Variants in VPS35 observed in about 807,000 individuals in gnomAD.
VPS35 encodes the protein VPS35 retromer complex component.
A neutral mutation model predicts 98.1 loss-of-function variants in VPS35; 21 were observed. The observed-to-expected ratio is 0.21, with a 90% CI of 0.15 to 0.31. VPS35 has a LOEUF of 0.31. Ranked by LOEUF, VPS35 falls within the 10% of genes least tolerant of loss-of-function variation. The pLI is 1.00. For synonymous variants in VPS35, 268 were observed against 318.2 expected (o/e 0.84, Z 1.68); for missense variants, 554 against 950.8 (o/e 0.58, Z 5.49).
rs181198454 is a variant in VPS35 at position 46,660,050 on chromosome 16, G to T, written c.*422C>A. On this transcript the variant is annotated 3_prime_UTR_variant, in exon 17 of 17. Transcript: ENST00000299138. The stretch of plus-strand genomic sequence containing the variant: ...TTTCTTCTAAATTAATCTCAAACTG[G>T]ACTAGAAAACAAGAGACAGACGCTT... 124 of 158,882 alleles carry T rather than the reference G, an allele frequency of 7.8e-4. No homozygotes were observed. The highest frequency in any genetic ancestry group is 1.4e-3 in the Non-Finnish European group (103 of 72,378). The allele number at this position is 158,882 out of a possible 1,614,324, so 9.8% of individuals were successfully genotyped here.
At position 46,682,213 on chromosome 16, in the gene VPS35, T is replaced by C. The variant is rs372427613; in HGVS notation, c.103-38A>G. On this transcript the variant is annotated intron_variant, in intron 2 of 16. Transcript: ENST00000299138. ...CAAGAGAATAGATGAGAATGCTTAA[T>C]TTAAATAAACATTTATCTTGGTTGT... The C allele has an allele frequency of 2.8e-4, 400 of 1,449,310 alleles. No individual in the cohort carries two copies. In the African/African-American group the frequency reaches 5.0e-3, roughly 18 times the overall value. 89.8% of individuals were successfully genotyped at this position (1,449,310 alleles called of 1,614,324 possible).
intron 1 of VPS35, chr16:46,688,510 CA>C (rs1966360131): frequency 1.0e-6 from 1 of 988,118 alleles, no homozygotes; most frequent in Admixed American, 6.1e-5. Context: ...CTAAAGTAAA[CA>C]ATCAGTCTCC....
chr16:46,688,483 C>A (rs1439951599), intron 1 of VPS35: 10 of 987,142 alleles, frequency 1.0e-5, no homozygotes, highest in Non-Finnish European at 1.2e-5. Context: ...AGGCAAGGTG[C>A]GCCCAATGCA....
intron 1 of VPS35, among the ~76,000 whole-genome samples, chr16:46,686,872 A>G: frequency 6.6e-6 from 1 of 152,206 alleles, no homozygotes; most frequent in East Asian, 1.9e-4. Context: ...TGAGACCCAC[A>G]AACAGCCCTC....
chr16:46,672,281 A>G lies in VPS35; in HGVS notation c.1352T>C (p.Ile451Thr). Residue 451 changes from isoleucine to threonine, a missense_variant, in exon 11 of 17, where the codon ATT becomes ACT. By Grantham distance (89) the Ile-to-Thr change is moderately conservative. This residue lies in a region of VPS35 where 254 missense variants were observed against 390.1 expected (regional missense o/e 0.65). Coordinates refer to ENST00000299138, the MANE Select transcript of VPS35 (RefSeq NM_018206.6). ...LSNVLDYNTE[I>T]VSQDQVDSIM... ...TTCTCTTACCTGGTCTTGAGAGACA[A>G]TTTCTGTGTTATAATCCAGAACATT... The G allele has an allele frequency of 6.2e-7, 1 of 1,613,728 alleles. No individual in the cohort carries two copies. Among genetic ancestry groups the G allele is most frequent in the South Asian group, 1.1e-5 (1 of 91,068 alleles).
intron 12 of VPS35, among the ~76,000 whole-genome samples, chr16:46,670,894 CA>C (rs1164932779): frequency 2.0e-5 from 3 of 152,162 alleles, no homozygotes; most frequent in South Asian, 2.1e-4. Context: ...CATCCTCAAG[CA>C]AATGTCTTTT....
intron 7 of VPS35, 128 bp downstream of exon 7, chr16:46,677,187 C>T (rs775889707): frequency 1.8e-4 from 153 of 862,984 alleles, no homozygotes; most frequent in Non-Finnish European, 2.5e-4. Flanking sequence ...TGAGTCACCA[C>T]ACCCCGCAAG....
At chr16:46,688,857 G>T (rs1966370292) in intron 1 of VPS35, 3 of 1,417,910 alleles carry the variant, frequency 2.1e-6, no homozygotes, top group Non-Finnish European at 2.8e-6. Flanking sequence ...GGCCTTCATG[G>T]ACCCCAAAGC....
chr16:46,658,500 T>C lies in VPS35; in HGVS notation c.*1972A>G, dbSNP rs1040006441. The C allele has an allele frequency of 9.8e-5, 15 of 153,768 alleles. No individual in the cohort carries two copies. The highest frequency in any genetic ancestry group is 1.0e-4 in the Non-Finnish European group (7 of 68,048). The allele number at this position is 153,768 out of a possible 1,614,324, so 9.5% of individuals were successfully genotyped here. On this transcript the variant is annotated 3_prime_UTR_variant, in exon 17 of 17. Coordinates refer to ENST00000299138, the MANE Select transcript of VPS35 (RefSeq NM_018206.6). Reference sequence around the variant, plus strand: ...TTTTGTTGGTTTATTATTTTTAAAATTGGGTTTACCTCAACCCAGAAAATA... The same window carrying C: ...TTTTGTTGGTTTATTATTTTTAAAACTGGGTTTACCTCAACCCAGAAAATA...
At chr16:46,669,148 T>G (rs1424870434) in intron 12 of VPS35, 96 bp from the exon 13 acceptor site, 25 of 1,483,378 alleles carry the variant, frequency 1.7e-5, no homozygotes, top group Non-Finnish European at 2.3e-5. Flanking sequence ...TAACATTTTG[T>G]GAATATATAC....
chr16:46,662,942 A>G (rs1965934556), intron 14 of VPS35, 41 bp downstream of exon 14: 1 of 1,613,164 alleles, frequency 6.2e-7, no homozygotes, highest in African/African-American at 1.3e-5. Context: ...AACTGAACCC[A>G]GCAGAGCTGA....
Position 46,660,388 on chromosome 16 carries a change from G to C in VPS35, c.*84C>G, listed in dbSNP as rs1251150107. 1 of 1,562,464 alleles carries C rather than the reference G, an allele frequency of 6.4e-7. No individual in the cohort carries two copies. The highest frequency in any genetic ancestry group is 8.7e-7 in the Non-Finnish European group (1 of 1,144,286). ...GAAACCTACCTCAGCATTTCTGAAA[G>C]GCACAATCTATGGAAGGGAAACCTA... On this transcript the variant is annotated 3_prime_UTR_variant, in exon 17 of 17. Coordinates refer to ENST00000299138, the MANE Select transcript of VPS35 (RefSeq NM_018206.6).
chr16:46,674,252 AG>A, intron 10 of VPS35, 61 bp downstream of exon 10: 1 of 1,584,806 alleles, frequency 6.3e-7, no homozygotes, highest in East Asian at 2.2e-5. Flanking sequence ...CAATTGAGAA[AG>A]AAAAGCAAAT....
At chr16:46,688,882 A>C (rs1434766245) in intron 1 of VPS35, 2 of 1,438,014 alleles carry the variant, frequency 1.4e-6, no homozygotes, top group Non-Finnish European at 1.8e-6. Flanking sequence ...ATGCCAAGTC[A>C]ACCCCACAGA....
chr16:46,684,918 G>A (rs1371267599), intron 1 of VPS35, among the ~76,000 whole-genome samples: 3 of 152,140 alleles, frequency 2.0e-5, no homozygotes, highest in African/African-American at 4.8e-5. Flanking sequence ...CATGCTAAAT[G>A]AAAGAAGCTA....
At chr16:46,683,679 C>A in intron 1 of VPS35, 73 bp from the exon 2 acceptor site, 1 of 1,404,868 alleles carries the variant, frequency 7.1e-7, no homozygotes, top group South Asian at 1.2e-5. Flanking sequence ...ATAGTTCTAG[C>A]CATAGTCCTT....
rs1250472932 is a variant in VPS35, at chr16:46,658,721, G to T, written c.*1751C>A. ...TACAAAGAACAGAAAGGGTTTGCTG[G>T]ACTATGACATACCACAGAATGGCTT... On this transcript the variant is annotated 3_prime_UTR_variant, in exon 17 of 17. Transcript: ENST00000299138. 1.3e-5 allele frequency: 2 copies of T among 152,192 alleles called. No individual in the cohort carries two copies. The highest frequency in any genetic ancestry group is 2.9e-5 in the Non-Finnish European group (2 of 68,028). The allele number at this position is 152,192 out of a possible 1,614,324, so 9.4% of individuals were successfully genotyped here.
At chr16:46,685,920 A>G (rs1191994891) in intron 1 of VPS35, among the ~76,000 whole-genome samples, 1 of 152,114 alleles carries the variant, frequency 6.6e-6, no homozygotes, top group Non-Finnish European at 1.5e-5. Context: ...TGTACCTAAA[A>G]TTTACCATTT....
chr16:46,685,551 G>C (rs1300117375), intron 1 of VPS35, among the ~76,000 whole-genome samples: 1 of 152,126 alleles, frequency 6.6e-6, no homozygotes, highest in African/African-American at 2.4e-5. Context: ...GAAGAAGTTA[G>C]GTATCTTTTA....
Sources: allele counts gnomAD v4.1 joint callset (sites outside exome capture counted in the v4.1 genomes callset), GRCh38; gene constraint gnomAD v4.1.1; regional missense constraint gnomAD v4.1.1; transcripts MANE v1.5; gene names NCBI Gene and HGNC (gene_info 2026-07-23, HGNC 2026-07-21).